Variants in RPS6KL1 observed in about 807,000 individuals in gnomAD.
RPS6KL1 encodes the protein ribosomal protein S6 kinase like 1, also known as ribosomal protein S6 kinase-like 1.
A neutral mutation model predicts 57.0 loss-of-function variants in RPS6KL1; 41 were observed. The observed-to-expected ratio is 0.72, with a 90% CI of 0.56 to 0.93. The LOEUF (loss-of-function observed/expected upper bound fraction) is 0.93. Ranked by LOEUF, RPS6KL1 falls within the 40% of genes least tolerant of loss-of-function variation. RPS6KL1 has a pLI of 0.00. For synonymous variants in RPS6KL1, 287 were observed against 309.7 expected, an observed-to-expected ratio of 0.93 and a Z score of 0.77; for missense variants, 697 against 727.7, an observed-to-expected ratio of 0.96 and a Z score of 0.49.
Position 74,908,878 on chromosome 14 carries a change from G to C in RPS6KL1, c.1415C>G (p.Ser472Cys). ...TEACDWWSFG[S>C]LLYELLTGMA... ...TCCCGTCAGCAGTTCATACAGTAGA[G>C]ACCCAAAGCTCCACCAGTCACAGGC... The change falls in exon 10 of 12, where the codon TCT becomes TGT. Residue 472 changes from serine to cysteine, a missense_variant. Transcript: ENST00000557413. The C allele has an allele frequency of 6.2e-7, 1 of 1,614,122 alleles. No homozygotes were observed. The highest frequency in any genetic ancestry group is 8.5e-7 in the Non-Finnish European group (1 of 1,180,006).
At position 74,906,368 on chromosome 14, in the gene RPS6KL1, T is replaced by G. The variant is rs1398421838; in HGVS notation, c.*646A>C. On this transcript the variant is annotated 3_prime_UTR_variant, in exon 12 of 12. Transcript: ENST00000557413. ...TTCCCCTCCCTTTTGCTCTCCCAAG[T>G]CTGAAATCACAAGATAGGGGGCATG... The G allele has an allele frequency of 3.1e-6, 1 of 321,000 alleles. No homozygotes were observed. The highest frequency in any genetic ancestry group is 5.9e-6 in the Non-Finnish European group (1 of 170,220). 19.9% of individuals were successfully genotyped at this position (321,000 alleles called of 1,614,324 possible). A position where few individuals can be genotyped will look rare whatever the true frequency, so the allele number is the denominator to read the frequency against.
intron 10 of RPS6KL1, among the ~76,000 whole-genome samples, chr14:74,907,833 G>A (rs1885179714): frequency 6.6e-6 from 1 of 152,212 alleles, no homozygotes; most frequent in Non-Finnish European, 1.5e-5. Flanking sequence ...AGGCACTCTT[G>A]GGAATAGTGA....
intron 6 of RPS6KL1, 79 bp downstream of exon 6, chr14:74,911,715 G>T: frequency 7.4e-7 from 1 of 1,344,662 alleles, no homozygotes; most frequent in Non-Finnish European, 1.0e-6. Context: ...TTCAAATGCA[G>T]GTTCTGGGTA....
intron 8 of RPS6KL1, 46 bp from the exon 9 acceptor site, chr14:74,909,236 T>C: frequency 6.4e-7 from 1 of 1,566,440 alleles, no homozygotes; most frequent in Middle Eastern, 1.7e-4. Context: ...TGAGGACAGC[T>C]GATACAGGGG....
Position 74,918,502 on chromosome 14 carries a change from C to T in RPS6KL1, c.483+11G>A, listed in dbSNP as rs1887241954. On this transcript the variant is annotated intron_variant, in intron 5 of 11. Transcript: ENST00000557413. The stretch of plus-strand genomic sequence containing the variant: ...GTCTCCCTCCTGCAAGGCGAGTGTC[C>T]ACTCACTCACCTTCTCGATGACCCC... 6.6e-7 allele frequency: 1 copy of T among 1,507,588 alleles called. No homozygotes were observed. Among genetic ancestry groups the T allele is most frequent in the South Asian group, 1.2e-5 (1 of 81,514 alleles). 93.4% of individuals were successfully genotyped at this position (1,507,588 alleles called of 1,614,324 possible).
chr14:74,909,935 G>T lies in RPS6KL1; in HGVS notation c.878C>A (p.Ala293Asp). The T allele has an allele frequency of 6.2e-7, 1 of 1,614,128 alleles. No individual in the cohort carries two copies. Among genetic ancestry groups the T allele is most frequent in the Non-Finnish European group, 8.5e-7 (1 of 1,179,996 alleles). ...TSPNLLLAGEAPSTRPQREAE... is the reference protein window; with the variant it reads ...TSPNLLLAGEDPSTRPQREAE... ...CTCCCTCTGGGGTCTGGTGGATGGG[G>T]CCTCCCCAGCTAGGAGAAGGTTCGG... is the stretch of plus-strand genomic sequence containing the variant. Residue 293 changes from alanine (A) to aspartate (D), a missense_variant, in exon 8 of 12, where the codon GCC (alanine) becomes GAC (aspartate). Transcript: ENST00000557413.
Position 74,921,338 on chromosome 14 carries a change from G to A in RPS6KL1, c.204C>T (p.Asp68=). 2 of 1,614,098 alleles carry A rather than the reference G, an allele frequency of 1.2e-6. No homozygotes were observed. Among genetic ancestry groups the A allele is most frequent in the Non-Finnish European group, 1.7e-6 (2 of 1,179,974 alleles). ...GATAGTGGTTGAAGGCCGCCTCATA[G>A]TCCTCACTAACATCGCGCTCCAGGG... ...RLALERDVSE[D]YEAAFNHYQN... is the part of the protein sequence containing the mutation. Residue 68 remains aspartate, a synonymous_variant, in exon 3 of 12, where the codon GAC becomes GAT. Transcript: ENST00000557413.
In RPS6KL1 at chr14:74,921,777, C is replaced by CTTTT. The variant is rs57626529; in HGVS notation, c.-21+197_-21+200dup. On this transcript the variant is annotated intron_variant, in intron 2 of 11. Coordinates refer to ENST00000557413, the MANE Select transcript of RPS6KL1 (RefSeq NM_031464.5). ...CCAGCTCAGGATTCTGTTTTCTTTT[C>CTTTT]TTTTTTTTTTTTTTTTTTGAGTCAG... 2,892 of 833,076 alleles carry CTTTT rather than the reference C, an allele frequency of 3.5e-3. 1 individual carries two copies. Among genetic ancestry groups the CTTTT allele is most frequent in the East Asian group, 4.5e-3 (80 of 17,740 alleles). 51.6% of individuals were successfully genotyped at this position (833,076 alleles called of 1,614,324 possible).
intron 5 of RPS6KL1, 56 bp downstream of exon 5, chr14:74,918,457 C>T: frequency 1.6e-6 from 2 of 1,287,936 alleles, no homozygotes; most frequent in Non-Finnish European, 2.1e-6. Context: ...TCCCCACCGC[C>T]ACCCCAAATT....
chr14:74,922,158 A>ACCACC lies in RPS6KL1; in HGVS notation c.-202_-201insGGTGG. The ACCACC allele has an allele frequency of 2.0e-6, 2 of 983,932 alleles. No individual in the cohort carries two copies. Among genetic ancestry groups the ACCACC allele is most frequent in the Admixed American group, 1.2e-4 (2 of 17,320 alleles). 61.0% of individuals were successfully genotyped at this position (983,932 alleles called of 1,614,324 possible). A position where few individuals can be genotyped will look rare whatever the true frequency, so the allele number is the denominator to read the frequency against. Reference sequence around the variant, plus strand: ...TCTGGTACTGTGTTGAGCTCTGGAGAGAGCTGAGGATATCTGTGATCCACA... The same window carrying ACCACC: ...TCTGGTACTGTGTTGAGCTCTGGAGACCACCGAGCTGAGGATATCTGTGATCCACA... On this transcript the variant is annotated 5_prime_UTR_variant, in exon 2 of 12. Transcript: ENST00000557413.
In RPS6KL1 at chr14:74,906,598, CTGAGA is replaced by C. The variant is rs758312785; in HGVS notation, c.*411_*415del. 1.9e-6 allele frequency: 1 copy of C among 531,540 alleles called. No homozygotes were observed. The highest frequency in any genetic ancestry group is 3.9e-6 in the Non-Finnish European group (1 of 259,560). The allele number at this position is 531,540 out of a possible 1,614,324, so 32.9% of individuals were successfully genotyped here. ...TCCACTGAGCCAGTGGATCAGTGTCCTGAGATGAGTCTCCAGAGATGTCCTGAGTG... is the reference window on the plus strand; with the variant it reads ...TCCACTGAGCCAGTGGATCAGTGTCCTGAGTCTCCAGAGATGTCCTGAGTG... On this transcript the variant is annotated 3_prime_UTR_variant, in exon 12 of 12. Coordinates refer to ENST00000557413, the MANE Select transcript of RPS6KL1 (RefSeq NM_031464.5).
At chr14:74,911,755 A>G (rs1886036363) in intron 6 of RPS6KL1, 39 bp downstream of exon 6, 3 of 1,536,110 alleles carry the variant, frequency 2.0e-6, no homozygotes, top group Non-Finnish European at 2.7e-6. Context: ...AGAAAGATCC[A>G]AGGGGAATGC....
chr14:74,911,625 G>T, intron 6 of RPS6KL1, 169 bp downstream of exon 6: 2 of 675,542 alleles, frequency 3.0e-6, no homozygotes, highest in Non-Finnish European at 5.2e-6. Context: ...GTATGTGTGT[G>T]TGTGCATGCA....
chr14:74,912,326 A>C (rs1253756110), intron 5 of RPS6KL1, among the ~76,000 whole-genome samples: 1 of 152,090 alleles, frequency 6.6e-6, no homozygotes, highest in African/African-American at 2.4e-5. Context: ...GCCAGGCCTC[A>C]TGCCACCTGA....
In RPS6KL1 at chr14:74,920,090, G is replaced by A. The variant is rs1331073202; in HGVS notation, c.266-121C>T. ...AGCTCCTGTTTCTAAGGCTGGTTCG[G>A]CAGATTCTGCCCCCAGATTGCTTCA... On this transcript the variant is annotated intron_variant, in intron 3 of 11. Transcript: ENST00000557413. The A allele has an allele frequency of 1.9e-5, 24 of 1,293,216 alleles. No individual in the cohort carries two copies. In the South Asian group the frequency reaches 2.9e-4, roughly 15 times the overall value. The allele number at this position is 1,293,216 out of a possible 1,614,324, so 80.1% of individuals were successfully genotyped here.
Position 74,919,830 on chromosome 14 carries a change from G to C in RPS6KL1, c.390+15C>G, listed in dbSNP as rs754039449. On this transcript the variant is annotated intron_variant, in intron 4 of 11. Transcript: ENST00000557413. ...TCCTCCCGCTCAGGCCTTTGGGTGG[G>C]GGGGGTCTCCTCACCGCGCTGGGGC... 46 of 1,610,636 alleles carry C rather than the reference G, an allele frequency of 2.9e-5. No homozygotes were observed. Among genetic ancestry groups the C allele is most frequent in the Admixed American group, 3.3e-5 (2 of 59,956 alleles).
At chr14:74,918,400 A>C in intron 5 of RPS6KL1, 113 bp downstream of exon 5, 1 of 715,972 alleles carries the variant, frequency 1.4e-6, no homozygotes, top group East Asian at 3.0e-5. Flanking sequence ...CCTCTGGAGG[A>C]GTGGGGGCCA....
intron 5 of RPS6KL1, among the ~76,000 whole-genome samples, chr14:74,914,622 G>A (rs1886549867): frequency 6.6e-6 from 1 of 152,202 alleles, no homozygotes; most frequent in South Asian, 2.1e-4. Flanking sequence ...CAAAGCAGCA[G>A]GCATTTTCCC....
At chr14:74,913,189 T>A (rs1428626671) in intron 5 of RPS6KL1, among the ~76,000 whole-genome samples, 1 of 152,170 alleles carries the variant, frequency 6.6e-6, no homozygotes, top group Non-Finnish European at 1.5e-5. Flanking sequence ...TTGAATTGAT[T>A]TTCTCATCTA....
Sources: allele counts gnomAD v4.1 joint callset (sites outside exome capture counted in the v4.1 genomes callset), GRCh38; gene constraint gnomAD v4.1.1; transcripts MANE v1.5; gene names NCBI Gene and HGNC (gene_info 2026-07-23, HGNC 2026-07-21).